MGAM: variants seen among roughly 807,000 people sequenced by gnomAD.
MGAM encodes alpha-1,4-glucosidase.
A neutral mutation model predicts 358.8 loss-of-function variants in MGAM; 253 were observed. The ratio of observed to expected loss-of-function variants is 0.71; its 90% confidence interval spans 0.64 to 0.78. The LOEUF (loss-of-function observed/expected upper bound fraction) is 0.78. MGAM is among the 30% of genes least tolerant of loss of function. The pLI is 0.00. For missense variants in MGAM, 3,080 were observed against 3,432.6 expected (o/e 0.90, Z 2.57); for synonymous variants, 1,105 against 1,227.1 (o/e 0.90, Z 2.08).
chr7:142,094,262 G>T (rs1242969215), intron 60 of MGAM, 102 bp from the exon 61 acceptor site: 4 of 1,340,980 alleles, frequency 3.0e-6, no homozygotes, highest in East Asian at 2.5e-5. Flanking sequence ...CTCCAATCAC[G>T]CAGCAAACAT....
chr7:142,076,085 G>A lies in MGAM; in HGVS notation c.5276-118G>A, dbSNP rs1408959122. 6.3e-6 allele frequency: 5 copies of A among 795,798 alleles called. 1 individual carries two copies. In the African/African-American group the frequency reaches 8.3e-5, roughly 13 times the overall value. The allele number at this position is 795,798 out of a possible 1,614,324, so 49.3% of individuals were successfully genotyped here. On this transcript the variant is annotated intron_variant, in intron 45 of 70. Coordinates refer to ENST00000475668, the MANE Select transcript of MGAM (RefSeq NM_001365693.1). ...ACAATGGAATATTATTCATCCATAA[G>A]GTAAAGGAAATACTGCCATTTGTGA...
Position 142,065,475 on chromosome 7 carries a change from G to GC in MGAM, c.4618+7_4618+8insC, listed in dbSNP as rs1238225400. ...CTGAAGAAGTCTATCATTGGTGCGT[G>GC]GGTCCTTCCCCAGGGCCTTTGCCGA... is the stretch of plus-strand genomic sequence containing the variant. On this transcript the variant is annotated splice_region_variant and intron_variant, in intron 38 of 70. Coordinates refer to ENST00000475668, the MANE Select transcript of MGAM (RefSeq NM_001365693.1). 1 of 1,610,874 alleles carries GC rather than the reference G, an allele frequency of 6.2e-7. No homozygotes were observed. Among genetic ancestry groups the GC allele is most frequent in the African/African-American group, 1.4e-5 (1 of 73,128 alleles).
At chr7:142,021,498 T>C (rs782807116) in intron 5 of MGAM, 88 bp from the exon 6 acceptor site, 9 of 1,321,886 alleles carry the variant, frequency 6.8e-6, no homozygotes, top group Non-Finnish European at 8.4e-6. Flanking sequence ...GTTTGATCAG[T>C]GCCTGATTCC....
chr7:141,993,899 T>A (rs1291747676), upstream of MGAM, among the ~76,000 whole-genome samples: 1 of 152,222 alleles, frequency 6.6e-6, no homozygotes, highest in Non-Finnish European at 1.5e-5. Context: ...ATTTAAAAAA[T>A]ATTATAGTAA....
At chr7:142,001,325 G>A (rs1020287292) in intron 1 of MGAM, among the ~76,000 whole-genome samples, 5 of 152,194 alleles carry the variant, frequency 3.3e-5, no homozygotes, top group Admixed American at 1.3e-4. Context: ...CAGTGTATGA[G>A]AAGTAAGTCC....
At position 142,063,954 on chromosome 7, in the gene MGAM, G is replaced by A. The variant is rs191515628; in HGVS notation, c.4345+368G>A. ...TATCATGGAGCTGATGGACTTTGGA[G>A]TTACACTTGGGTTCATATCTTGGCT... On this transcript the variant is annotated intron_variant, in intron 36 of 70. Transcript: ENST00000475668. 4.6e-4 allele frequency among the ~76,000 whole-genome samples: 70 copies of A among 152,280 alleles called. 1 individual carries two copies. The highest frequency in any genetic ancestry group is 1.1e-3 in the African/African-American group (47 of 41,576).
chr7:142,008,336 A>T (rs1445295811), intron 2 of MGAM, among the ~76,000 whole-genome samples, 170 bp from the exon 3 acceptor site: 5 of 152,316 alleles, frequency 3.3e-5, no homozygotes, highest in African/African-American at 1.2e-4. Context: ...CACAAAGGTA[A>T]ATACAGTCAG....
Position 142,047,786 on chromosome 7 carries a change from C to A in MGAM, c.2500C>A (p.Arg834=), listed in dbSNP as rs147987126. 1.8e-4 allele frequency: 287 copies of A among 1,611,510 alleles called. 1 individual carries two copies. The highest frequency in any genetic ancestry group is 2.3e-4 in the Non-Finnish European group (276 of 1,177,916). ...TGTCTTGAATCTTGTTCCCCACAGT[C>A]GAAAGAACCCTCTTGGTCTTATCAT... The part of the protein sequence containing the change: ...QQPNTTTLAS[R]KNPLGLIIAL... Residue 834 remains arginine (R), a splice_region_variant and synonymous_variant, in exon 22 of 71, where the codon CGA becomes AGA. Coordinates refer to ENST00000475668, the MANE Select transcript of MGAM (RefSeq NM_001365693.1).
chr7:142,036,291 G>A lies in MGAM; in HGVS notation c.2076+6G>A. The stretch of plus-strand genomic sequence containing the variant: ...ACAATGGCCAAGGCTACAAGGTAAG[G>A]CTCCTAGGACATAGAGTCAGAATAA... On this transcript the variant is annotated splice_donor_region_variant and intron_variant, in intron 17 of 70. Transcript: ENST00000475668. 1 of 1,585,882 alleles carries A rather than the reference G, an allele frequency of 6.3e-7. No individual in the cohort carries two copies. Among genetic ancestry groups the A allele is most frequent in the Non-Finnish European group, 8.6e-7 (1 of 1,161,436 alleles).
intron 21 of MGAM, among the ~76,000 whole-genome samples, chr7:142,045,498 T>TAA (rs1402628360): frequency 9.1e-6 from 1 of 110,182 alleles, no homozygotes; most frequent in Non-Finnish European, 1.6e-5. Context: ...ATATATGATA[T>TAA]TATATATTAC....
In MGAM at chr7:142,055,374, A is replaced by G. The variant is rs79246727; in HGVS notation, c.3315-184A>G. ...GACAGAGGGAAACGGAAGAATGATG[A>G]ATAACTCCTGGGCTTTTAGCGAGGA... On this transcript the variant is annotated intron_variant, in intron 27 of 70. Coordinates refer to ENST00000475668, the MANE Select transcript of MGAM (RefSeq NM_001365693.1). Among the ~76,000 whole-genome samples the G allele has an allele frequency of 9.1e-3, 1,380 of 152,304 alleles. 9 individuals are homozygous for G. Among genetic ancestry groups the G allele is most frequent in the Middle Eastern group, 0.021 (6 of 292 alleles).
chr7:142,073,231 G>C (rs1330211187), intron 44 of MGAM, among the ~76,000 whole-genome samples: 1 of 145,870 alleles, frequency 6.9e-6, no homozygotes, highest in African/African-American at 2.4e-5. Context: ...ATTAATTTTT[G>C]TATCTCATTG....
At chr7:142,096,929 CTTTTT>C (rs5888029) in intron 65 of MGAM, among the ~76,000 whole-genome samples, 60 of 134,268 alleles carry the variant, frequency 4.5e-4, no homozygotes, top group East Asian at 8.9e-4. Flanking sequence ...TTCCCAAAAT[CTTTTT>C]TTTTTTTTTT....
At chr7:142,049,002 A>G (rs1200860197) in intron 22 of MGAM, among the ~76,000 whole-genome samples, 2 of 152,140 alleles carry the variant, frequency 1.3e-5, no homozygotes, top group African/African-American at 2.4e-5. Flanking sequence ...ACCCTTGACC[A>G]TCATCTCCCC....
intron 57 of MGAM, among the ~76,000 whole-genome samples, chr7:142,088,802 ATTCTATCCTATCTATGT>A (rs1815053234): frequency 9.8e-6 from 1 of 102,102 alleles, no homozygotes; most frequent in Non-Finnish European, 2.2e-5. Context: ...TCTATCTATC[ATTCTATCCTATCTATGT>A]ACCATCTATC....
intron 54 of MGAM, among the ~76,000 whole-genome samples, chr7:142,085,035 T>C (rs1220619916): frequency 6.8e-6 from 1 of 146,800 alleles, no homozygotes; most frequent in Admixed American, 6.8e-5. Context: ...CAGACCATTG[T>C]ATATGTGGAT....
At chr7:142,049,548 G>A (rs1319791578) in intron 22 of MGAM, among the ~76,000 whole-genome samples, 2 of 152,246 alleles carry the variant, frequency 1.3e-5, no homozygotes, top group East Asian at 1.9e-4. Context: ...TGCAAACCAT[G>A]TATCTCAGAA....
intron 56 of MGAM, 79 bp downstream of exon 56, chr7:142,086,407 T>C: frequency 1.8e-6 from 2 of 1,131,820 alleles, no homozygotes; most frequent in Non-Finnish European, 2.5e-6. Context: ...CTGTGTATGT[T>C]ATTTTTGGCC....
intron 49 of MGAM, among the ~76,000 whole-genome samples, chr7:142,079,810 C>T (rs1030535959): frequency 1.4e-5 from 2 of 146,218 alleles, no homozygotes; most frequent in Non-Finnish European, 3.1e-5. Context: ...TACAATCTGA[C>T]ATCAACCCGA....
Sources: allele counts gnomAD v4.1 joint callset (sites outside exome capture counted in the v4.1 genomes callset), GRCh38; gene constraint gnomAD v4.1.1; transcripts MANE v1.5; gene names NCBI Gene and HGNC (gene_info 2026-07-23, HGNC 2026-07-21).